The following RAB27B variants were observed in gnomAD, a reference collection of about 807,000 sequenced individuals.
RAB27B encodes ras-related protein Rab-27B.
In RAB27B, 15 loss-of-function variants were observed where a neutral mutation model predicts 24.6. The observed-to-expected ratio is 0.61, with a 90% CI of 0.41 to 0.94. The LOEUF (loss-of-function observed/expected upper bound fraction) is 0.94. Ranked by LOEUF, RAB27B falls within the 40% of genes least tolerant of loss-of-function variation. The pLI is 0.00. For synonymous variants in RAB27B, 105 were observed against 92.5 expected (o/e 1.14, Z -0.78); for missense variants, 261 against 266.8 (o/e 0.98, Z 0.15).
chr18:54,867,216 G>T (rs891370967), intron 1 of RAB27B, among the ~76,000 whole-genome samples: 5 of 152,010 alleles, frequency 3.3e-5, no homozygotes, highest in Admixed American at 6.6e-5. Flanking sequence ...AGTGGGAGAG[G>T]TGCTAAGTGG....
intron 2 of RAB27B, among the ~76,000 whole-genome samples, chr18:54,765,025 C>T (rs542395316): frequency 2.0e-5 from 3 of 151,878 alleles, no homozygotes; most frequent in African/African-American, 7.3e-5. Context: ...TTAAAATTCC[C>T]GTTTCATGCC....
At chr18:54,743,339 C>T (rs1910128910) in intron 2 of RAB27B, among the ~76,000 whole-genome samples, 1 of 152,134 alleles carries the variant, frequency 6.6e-6, no homozygotes, top group South Asian at 2.1e-4. Flanking sequence ...GAATCAGATC[C>T]TCTTCTAGGG....
rs191717779 is a variant in RAB27B at position 54,891,294 on chromosome 18, G to A, written c.*1881G>A. On this transcript the variant is annotated 3_prime_UTR_variant, in exon 6 of 6. Transcript: ENST00000262094. ...TAATTTGAAAGCTTTCATGCTGTTA[G>A]CCCCTGATGAAATTCTCAGCATTAA... 9 of 151,120 alleles carry A rather than the reference G, an allele frequency of 6.0e-5. No individual in the cohort carries two copies. The East Asian group carries it at 1.5e-3, about 26-fold the overall frequency. The allele number at this position is 151,120 out of a possible 1,614,324, so 9.4% of individuals were successfully genotyped here.
intron 2 of RAB27B, among the ~76,000 whole-genome samples, chr18:54,732,079 T>G (rs2144993217): frequency 6.6e-6 from 1 of 152,276 alleles, no homozygotes; most frequent in Admixed American, 6.5e-5. Context: ...AGAATGACCA[T>G]TTTTTATGTC....
rs182017807 is a variant in RAB27B at position 54,721,004 on chromosome 18, G to A, written c.-20+2863G>A. Among the ~76,000 whole-genome samples the A allele has an allele frequency of 8.5e-4, 129 of 152,216 alleles. 1 individual carries two copies. The East Asian group carries it at 0.019, about 23-fold the overall frequency. ...TCATCTCCACATCAGTTATAGTTGT[G>A]TGAACTGGGAGGCACAAATTATGTA... On this transcript the variant is annotated intron_variant, in intron 2 of 4. Transcript: ENST00000586570.
At position 54,772,870 on chromosome 18, in the gene RAB27B, C is replaced by T. The variant is rs543366796; in HGVS notation, c.-20+54729C>T. 6.6e-5 allele frequency among the ~76,000 whole-genome samples: 10 copies of T among 152,176 alleles called. No homozygotes were observed. In the South Asian group the frequency reaches 2.1e-3, roughly 32 times the overall value. On this transcript the variant is annotated intron_variant, in intron 2 of 4. Coordinates refer to the RAB27B transcript ENST00000586570. ...CTGTCCTTCATGGTTTCATCTGTTT[C>T]CTCCTTTCTTTGTACAACTTTCCCT... is the stretch of plus-strand genomic sequence containing the variant.
chr18:54,867,442 C>CTTTTTTTTTTTTTTTTTTTTTTT (rs548288719), intron 1 of RAB27B, among the ~76,000 whole-genome samples: 1 of 98,794 alleles, frequency 1.0e-5, no homozygotes, highest in African/African-American at 3.6e-5. Flanking sequence ...CTTTTCTTTT[C>CTTTTTTTTTTTTTTTTTTTTTTT]TTTTTTTTTT....
chr18:54,887,929 A>G, intron 4 of RAB27B, 66 bp from the exon 5 acceptor site: 2 of 1,550,494 alleles, frequency 1.3e-6, no homozygotes, highest in Non-Finnish European at 1.8e-6. Context: ...AATCTGGAAT[A>G]AGAGCAGTCA....
chr18:54,807,002 G>T (rs1836160218), intron 2 of RAB27B, among the ~76,000 whole-genome samples: 1 of 152,118 alleles, frequency 6.6e-6, no homozygotes, highest in Admixed American at 6.5e-5. Flanking sequence ...GAGAACTCAA[G>T]AGGTTCTCTT....
chr18:54,865,676 C>T (rs1598973812), intron 1 of RAB27B, among the ~76,000 whole-genome samples: 1 of 152,164 alleles, frequency 6.6e-6, no homozygotes, highest in Non-Finnish European at 1.5e-5. Context: ...AGCATCCACA[C>T]GTCTTCTTTT....
At chr18:54,787,355 TG>T (rs1909119600) in intron 2 of RAB27B, among the ~76,000 whole-genome samples, 2 of 152,314 alleles carry the variant, frequency 1.3e-5, no homozygotes, top group South Asian at 4.1e-4. Context: ...GGTCTAAAAG[TG>T]AGCAAAGAAT....
At chr18:54,866,195 G>C (rs1227233741) in intron 1 of RAB27B, among the ~76,000 whole-genome samples, 22 of 152,210 alleles carry the variant, frequency 1.4e-4, no homozygotes, top group Non-Finnish European at 4.4e-5. Flanking sequence ...AAAGGGAAAT[G>C]AAGAGCAGCT....
chr18:54,889,700 T>A lies in RAB27B; in HGVS notation c.*287T>A. The A allele has an allele frequency of 4.5e-6, 1 of 223,066 alleles. No homozygotes were observed. The highest frequency in any genetic ancestry group is 8.7e-6 in the Non-Finnish European group (1 of 114,664). The allele number at this position is 223,066 out of a possible 1,614,324, so 13.8% of individuals were successfully genotyped here. The stretch of plus-strand genomic sequence containing the variant: ...GAGAAAATGAGTATATAAGACAATA[T>A]ACAAGAAGAAATATCAGTGAGTTTT... On this transcript the variant is annotated 3_prime_UTR_variant, in exon 6 of 6. Coordinates refer to ENST00000262094, the MANE Select transcript of RAB27B (RefSeq NM_004163.4).
chr18:54,849,540 GA>G (rs1205298902), intron 1 of RAB27B, among the ~76,000 whole-genome samples: 1 of 152,102 alleles, frequency 6.6e-6, no homozygotes, highest in Non-Finnish European at 1.5e-5. Flanking sequence ...CCAACTTCGT[GA>G]AACCACTGTC....
At chr18:54,861,990 C>G (rs1279769916) in intron 1 of RAB27B, among the ~76,000 whole-genome samples, 1 of 151,658 alleles carries the variant, frequency 6.6e-6, no homozygotes, top group African/African-American at 2.4e-5. Context: ...GAATTTCAAG[C>G]AATTTACATT....
intron 1 of RAB27B, among the ~76,000 whole-genome samples, chr18:54,850,333 G>GATATAGATATATATATATATATATATAT (rs1911513147): frequency 1.1e-5 from 1 of 95,156 alleles, no homozygotes; most frequent in Non-Finnish European, 2.0e-5. Context: ...AAACAAACAG[G>GATATAGATATATATATATATATATATAT]ATATATATAT....
intron 1 of RAB27B, among the ~76,000 whole-genome samples, chr18:54,849,768 A>G (rs1010835161): frequency 1.3e-5 from 2 of 152,164 alleles, no homozygotes; most frequent in Admixed American, 6.5e-5. Context: ...ATATATAGAA[A>G]TTATATGATA....
At position 54,783,575 on chromosome 18, in the gene RAB27B, G is replaced by A. The variant is rs74842486; in HGVS notation, c.-20+65434G>A. Among the ~76,000 whole-genome samples the A allele has an allele frequency of 4.5e-3, 689 of 151,950 alleles. 8 individuals carry two copies. Among genetic ancestry groups the A allele is most frequent in the African/African-American group, 0.016 (651 of 41,434 alleles). On this transcript the variant is annotated intron_variant, in intron 2 of 4. Coordinates refer to the RAB27B transcript ENST00000586570. ...CTTGTTGTCATGTCAGTCTCTTAAA[G>A]TTTTAATATTACATATGATTGTAAC...
chr18:54,806,748 A>G (rs1160752009), intron 2 of RAB27B, among the ~76,000 whole-genome samples: 1 of 151,872 alleles, frequency 6.6e-6, no homozygotes, highest in Non-Finnish European at 1.5e-5. Context: ...CCATATTTAA[A>G]ATGTTAACAA....
Sources: gnomAD v4.1 joint callset for allele counts (sites outside exome capture counted in the v4.1 genomes callset) on GRCh38, gnomAD v4.1.1 for gene constraint, MANE v1.5 for transcripts, NCBI Gene and HGNC (gene_info 2026-07-23, HGNC 2026-07-21) for gene names.